The following CIB4 variants were observed in gnomAD, a reference collection of about 807,000 sequenced individuals.
The protein encoded by CIB4 is calcium and integrin binding family member 4, also known as calcium and integrin-binding family member 4.
In CIB4, 25 loss-of-function variants were observed where a neutral mutation model predicts 25.8. The observed-to-expected ratio is 0.97, with a 90% CI of 0.71 to 1.35. The LOEUF is 1.35. Ranked by LOEUF, CIB4 falls within the 40% of genes most tolerant of loss-of-function variation. The pLI, the probability that CIB4 is intolerant of heterozygous loss-of-function variation, is 0.00. For missense variants in CIB4, 235 were observed against 228.2 expected (o/e 1.03, Z -0.19); for synonymous variants, 75 against 81.4 (o/e 0.92, Z 0.42).
At chr2:26,586,947 A>T (rs115702718) in intron 4 of CIB4, among the ~76,000 whole-genome samples, 3,248 of 152,248 alleles carry the variant, frequency 0.021, 103 homozygotes, top group African/African-American at 0.073. Flanking sequence ...AATGAAGGAT[A>T]AAGCGACAAG....
intron 2 of CIB4, 111 bp downstream of exon 2, chr2:26,640,422 G>C: frequency 8.5e-7 from 1 of 1,170,476 alleles, no homozygotes; most frequent in Middle Eastern, 2.3e-4. Context: ...AGGGCTGTGT[G>C]GCTCTGAGCA....
intron 2 of CIB4, among the ~76,000 whole-genome samples, chr2:26,636,400 T>C (rs1214835357): frequency 5.9e-5 from 9 of 152,184 alleles, no homozygotes; most frequent in Admixed American, 1.3e-4. Flanking sequence ...CCAAACTTTC[T>C]GCAGAAATAA....
rs951675615 is a variant in CIB4, at chr2:26,640,702, G to C, written c.55-135C>G. 8.0e-6 allele frequency: 7 copies of C among 879,988 alleles called. No homozygotes were observed. The Admixed American group carries it at 8.9e-5, about 11-fold the overall frequency. 54.5% of individuals were successfully genotyped at this position (879,988 alleles called of 1,614,324 possible). ...CACAGCTGGGGGAACCCCAGGTTGA[G>C]GTGGATGCCTGAGGTGGCAGCAGGA... is the stretch of plus-strand genomic sequence containing the variant. On this transcript the variant is annotated intron_variant, in intron 1 of 6. Transcript: ENST00000288861.
chr2:26,615,999 C>T (rs1023682581), intron 3 of CIB4, among the ~76,000 whole-genome samples: 3 of 152,228 alleles, frequency 2.0e-5, no homozygotes, highest in Admixed American at 1.3e-4. Context: ...CTCCCACCAG[C>T]GCTGGGGGGC....
intron 4 of CIB4, among the ~76,000 whole-genome samples, chr2:26,586,586 C>A (rs1046305900): frequency 4.6e-5 from 7 of 152,158 alleles, no homozygotes; most frequent in African/African-American, 1.7e-4. Context: ...CAGAACAATG[C>A]CTGGGACAGA....
intron 3 of CIB4, among the ~76,000 whole-genome samples, chr2:26,624,109 G>A (rs1382057671): frequency 6.6e-6 from 1 of 152,178 alleles, no homozygotes; most frequent in East Asian, 1.9e-4. Context: ...CTGATAGGCA[G>A]ACCCTTCCCA....
intron 3 of CIB4, among the ~76,000 whole-genome samples, chr2:26,601,241 T>A (rs1254038669): frequency 0.19 from 4,249 of 22,152 alleles, 228 homozygotes; most frequent in Non-Finnish European, 0.32. Context: ...AATATATATA[T>A]ATATATATAT....
intron 3 of CIB4, among the ~76,000 whole-genome samples, chr2:26,609,275 C>T (rs1668951453): frequency 6.6e-6 from 1 of 152,066 alleles, no homozygotes; most frequent in African/African-American, 2.4e-5. Flanking sequence ...CCCTTACAGG[C>T]ACTCCAGGAT....
chr2:26,623,812 C>A (rs1182758446), intron 3 of CIB4, among the ~76,000 whole-genome samples: 1 of 152,238 alleles, frequency 6.6e-6, no homozygotes, highest in African/African-American at 2.4e-5. Context: ...TTCCTTTAGG[C>A]CCTGTTTCCA....
intron 3 of CIB4, among the ~76,000 whole-genome samples, chr2:26,623,831 C>T (rs1044086703): frequency 6.6e-6 from 1 of 152,228 alleles, no homozygotes; most frequent in African/African-American, 2.4e-5. Context: ...CAGCCATCCC[C>T]AGTGGATGCA....
intron 1 of CIB4, 117 bp from the exon 2 acceptor site, chr2:26,640,684 G>A (rs1669618684): frequency 4.5e-6 from 5 of 1,113,918 alleles, no homozygotes; most frequent in Admixed American, 2.1e-5. Context: ...CTGCACAGCT[G>A]GGGGAACCCC....
At chr2:26,581,968 G>A (rs1668354018) in intron 6 of CIB4, among the ~76,000 whole-genome samples, 1 of 152,236 alleles carries the variant, frequency 6.6e-6, no homozygotes, top group Non-Finnish European at 1.5e-5. Context: ...CCACTGCAGG[G>A]AGGCCGTGCA....
intron 3 of CIB4, among the ~76,000 whole-genome samples, chr2:26,624,604 T>C (rs1490572077): frequency 6.6e-6 from 1 of 152,016 alleles, no homozygotes; most frequent in African/African-American, 2.4e-5. Flanking sequence ...TGATGGTCAC[T>C]GACAGTGGAT....
At position 26,588,978 on chromosome 2, in the gene CIB4, T is replaced by TTTATTCTTC. The variant is rs1668508042; in HGVS notation, c.329-5081_329-5080insGAAGAATAA. Among the ~76,000 whole-genome samples, 2 of 69,890 alleles carry TTTATTCTTC rather than the reference T, an allele frequency of 2.9e-5. 1 individual carries two copies. Among genetic ancestry groups the TTTATTCTTC allele is most frequent in the Non-Finnish European group, 6.0e-5 (2 of 33,140 alleles). The allele number at this position is 69,890 out of a possible 152,430, so 45.9% of individuals were successfully genotyped here. ...CTGCTGCCGCTGCTGCCGCTTCTTC[T>TTTATTCTTC]TTCTTCTTCTTCTTCTTCTTCTTCT... On this transcript the variant is annotated intron_variant, in intron 4 of 6. Transcript: ENST00000288861.
In CIB4 at chr2:26,612,400, A is replaced by G. The variant is rs375956549; in HGVS notation, c.186+17010T>C. ...CAAAATATGGAGCCAAAGATGGGTA[A>G]CTAGGATGCAGTGGACATTTTTGTG... On this transcript the variant is annotated intron_variant, in intron 3 of 6. Transcript: ENST00000288861. Among the ~76,000 whole-genome samples, 5 of 152,376 alleles carry G rather than the reference A, an allele frequency of 3.3e-5. No individual in the cohort carries two copies. The East Asian group carries it at 5.8e-4, about 18-fold the overall frequency.
chr2:26,621,157 C>T (rs751528309), intron 3 of CIB4, among the ~76,000 whole-genome samples: 3 of 149,986 alleles, frequency 2.0e-5, no homozygotes, highest in Admixed American at 6.7e-5. Context: ...GGGTCCTCCG[C>T]GTGCCTCACA....
chr2:26,630,565 G>A (rs1669397758), intron 2 of CIB4, among the ~76,000 whole-genome samples: 1 of 152,142 alleles, frequency 6.6e-6, no homozygotes, highest in African/African-American at 2.4e-5. Context: ...ATGGCGGGTG[G>A]TGGGGTCACC....
chr2:26,616,866 G>A (rs1669102265), intron 3 of CIB4, among the ~76,000 whole-genome samples: 1 of 152,180 alleles, frequency 6.6e-6, no homozygotes, highest in South Asian at 2.1e-4. Context: ...ATATGCAGAA[G>A]AGCAAACAGA....
chr2:26,596,197 A>T (rs1464463491), intron 3 of CIB4, among the ~76,000 whole-genome samples: 6 of 152,224 alleles, frequency 3.9e-5, no homozygotes, highest in Non-Finnish European at 8.8e-5. Context: ...AAACAGAGAC[A>T]TGGACTGAAT....
Sources: gnomAD v4.1 joint callset for allele counts (sites outside exome capture counted in the v4.1 genomes callset) on GRCh38, gnomAD v4.1.1 for gene constraint, MANE v1.5 for transcripts, NCBI Gene and HGNC (gene_info 2026-07-23, HGNC 2026-07-21) for gene names.